The following GOSR1 variants were observed in gnomAD, a reference collection of about 807,000 sequenced individuals.
The protein encoded by GOSR1 is golgi SNAP receptor complex member 1, also known as 28 kDa Golgi SNARE protein.
A neutral mutation model predicts 35.5 loss-of-function variants in GOSR1; 21 were observed. The observed-to-expected ratio is 0.59, with a 90% CI of 0.42 to 0.85. The LOEUF is 0.85. GOSR1 is among the 40% of genes least tolerant of loss of function. GOSR1 has a pLI of 0.00. For synonymous variants in GOSR1, 94 were observed against 106.6 expected (o/e 0.88, Z 0.73); for missense variants, 285 against 309.6 (o/e 0.92, Z 0.60).
intron 7 of GOSR1, among the ~76,000 whole-genome samples, chr17:30,517,004 C>T (rs182229506): frequency 2.0e-5 from 3 of 152,334 alleles, no homozygotes; most frequent in East Asian, 1.9e-4. Flanking sequence ...CATGAGCCAC[C>T]GCGCCTAGCC....
chr17:30,502,098 T>A (rs1967231499), intron 6 of GOSR1, among the ~76,000 whole-genome samples: 1 of 152,254 alleles, frequency 6.6e-6, no homozygotes, highest in Non-Finnish European at 1.5e-5. Context: ...GCAGCCAGTC[T>A]GTGAAGGCTA....
chr17:30,509,468 C>T (rs778707328), intron 6 of GOSR1, among the ~76,000 whole-genome samples: 3 of 152,238 alleles, frequency 2.0e-5, no homozygotes, highest in Admixed American at 2.0e-4. Context: ...CTTAGATTAC[C>T]TAGTCCACTA....
intron 6 of GOSR1, among the ~76,000 whole-genome samples, chr17:30,497,385 G>A (rs1448968631): frequency 1.3e-5 from 2 of 152,078 alleles, no homozygotes; most frequent in Non-Finnish European, 2.9e-5. Context: ...GAAATGATTA[G>A]GGCAGGGCTT....
chr17:30,502,579 C>T (rs777715545), intron 6 of GOSR1, among the ~76,000 whole-genome samples: 3 of 152,134 alleles, frequency 2.0e-5, no homozygotes, highest in Non-Finnish European at 2.9e-5. Context: ...TTGAACTGAG[C>T]AGGAATCTGT....
intron 6 of GOSR1, among the ~76,000 whole-genome samples, chr17:30,504,587 C>A (rs1380578255): frequency 6.6e-6 from 1 of 152,112 alleles, no homozygotes; most frequent in Non-Finnish European, 1.5e-5. Flanking sequence ...AAAATGGTTT[C>A]ATTACATGTA....
At chr17:30,488,629 G>A (rs954481984) in intron 4 of GOSR1, among the ~76,000 whole-genome samples, 13 of 150,450 alleles carry the variant, frequency 8.6e-5, no homozygotes, top group African/African-American at 2.7e-4. Context: ...TGCCTCCCAA[G>A]TTCAAGTGAT....
rs11869000 is a variant in GOSR1 at position 30,512,591 on chromosome 17, G to A, written c.539+1682G>A. On this transcript the variant is annotated intron_variant, in intron 7 of 8. Coordinates refer to ENST00000451249, the MANE Select transcript of GOSR1 (RefSeq NM_001007025.2). ...TCTTTTATAACAGTAAGCCATGATT[G>A]TGTCTTGAATTTTTGTTTAAATTGT... Among the ~76,000 whole-genome samples, 988 of 152,232 alleles carry A rather than the reference G, an allele frequency of 6.5e-3. 11 individuals are homozygous for A. Among genetic ancestry groups the A allele is most frequent in the African/African-American group, 0.023 (955 of 41,540 alleles).
At chr17:30,493,554 T>A (rs941952880) in intron 6 of GOSR1, among the ~76,000 whole-genome samples, 1 of 152,202 alleles carries the variant, frequency 6.6e-6, no homozygotes, top group African/African-American at 2.4e-5. Flanking sequence ...AACTTTAGTT[T>A]TTCAGTGTTT....
intron 6 of GOSR1, among the ~76,000 whole-genome samples, chr17:30,506,094 C>T (rs1241114492): frequency 6.6e-6 from 1 of 152,152 alleles, no homozygotes; most frequent in Non-Finnish European, 1.5e-5. Context: ...TCAGGCCCCT[C>T]TCTATTACCT....
Position 30,510,872 on chromosome 17 carries a change from AT to A in GOSR1, c.510-5del. The A allele has an allele frequency of 6.8e-7, 1 of 1,480,450 alleles. No homozygotes were observed. The highest frequency in any genetic ancestry group is 9.4e-7 in the Non-Finnish European group (1 of 1,065,684). 91.7% of individuals were successfully genotyped at this position (1,480,450 alleles called of 1,614,324 possible). The stretch of plus-strand genomic sequence containing the variant: ...ATTCAGAATTTGAATTTTTCTTTTT[AT>A]TTGCAGCTCAGATCGTCTGATAGAA... On this transcript the variant is annotated splice_region_variant and splice_polypyrimidine_tract_variant and intron_variant, in intron 6 of 8. Transcript: ENST00000451249.
At chr17:30,483,428 GT>G (rs1263922482) in intron 2 of GOSR1, among the ~76,000 whole-genome samples, 2 of 152,174 alleles carry the variant, frequency 1.3e-5, no homozygotes, top group Non-Finnish European at 2.9e-5. Context: ...AGACAGAGCA[GT>G]TTTTTCCTTC....
At chr17:30,502,564 T>C (rs1197203697) in intron 6 of GOSR1, among the ~76,000 whole-genome samples, 1 of 152,258 alleles carries the variant, frequency 6.6e-6, no homozygotes, top group Non-Finnish European at 1.5e-5. Flanking sequence ...TTTTTTATTT[T>C]CTCCTTGAAC....
chr17:30,507,806 G>A (rs1239483946), intron 6 of GOSR1, among the ~76,000 whole-genome samples: 1 of 151,846 alleles, frequency 6.6e-6, no homozygotes, highest in Non-Finnish European at 1.5e-5. Flanking sequence ...ATGATAAAAC[G>A]TAAACAGGTG....
intron 3 of GOSR1, 147 bp downstream of exon 3, chr17:30,484,448 A>G (rs1384702587): frequency 4.5e-6 from 3 of 672,604 alleles, no homozygotes; most frequent in Middle Eastern, 2.6e-4. Context: ...AATTTTGATG[A>G]CAGCCATTCT....
intron 8 of GOSR1, among the ~76,000 whole-genome samples, chr17:30,521,924 C>T (rs1402942267): frequency 3.3e-5 from 5 of 152,130 alleles, no homozygotes; most frequent in Non-Finnish European, 5.9e-5. Flanking sequence ...CATTCCTGGC[C>T]ACGCTGGCTC....
At chr17:30,501,748 C>G (rs932695123) in intron 6 of GOSR1, among the ~76,000 whole-genome samples, 1 of 152,342 alleles carries the variant, frequency 6.6e-6, no homozygotes, top group South Asian at 2.1e-4. Flanking sequence ...CCCGCCTTGG[C>G]CTCCCAAAGT....
intron 7 of GOSR1, among the ~76,000 whole-genome samples, chr17:30,518,694 G>A (rs1029948336): frequency 4.8e-4 from 73 of 152,218 alleles, no homozygotes; most frequent in African/African-American, 1.6e-3. Flanking sequence ...TTTGGGAGGC[G>A]GAGGTAGGAG....
At chr17:30,498,778 A>C (rs1251654753) in intron 6 of GOSR1, among the ~76,000 whole-genome samples, 1 of 152,196 alleles carries the variant, frequency 6.6e-6, no homozygotes, top group Non-Finnish European at 1.5e-5. Flanking sequence ...GGGCAAAAGA[A>C]AGTGAGCAGT....
intron 6 of GOSR1, among the ~76,000 whole-genome samples, chr17:30,504,188 G>A (rs375220290): frequency 7.9e-5 from 12 of 152,002 alleles, no homozygotes; most frequent in African/African-American, 1.7e-4. Flanking sequence ...CACCACGCCC[G>A]TCTAATTTTT....
Sources: gnomAD v4.1 joint callset for allele counts (sites outside exome capture counted in the v4.1 genomes callset) on GRCh38, gnomAD v4.1.1 for gene constraint, MANE v1.5 for transcripts, NCBI Gene and HGNC (gene_info 2026-07-23, HGNC 2026-07-21) for gene names.